The following NOVA2 variants were observed in gnomAD, a reference collection of about 807,000 sequenced individuals.
NOVA2 encodes the protein NOVA alternative splicing regulator 2.
Under a neutral mutation model 22.5 loss-of-function variants are expected in NOVA2, and 9 were observed. The observed-to-expected ratio is 0.40, with a 90% CI of 0.24 to 0.70. NOVA2 has a LOEUF of 0.70. NOVA2 is among the 30% of genes least tolerant of loss of function. NOVA2 has a pLI of 0.38. For missense variants in NOVA2, 383 were observed against 682.8 expected (o/e 0.56, Z 4.89); for synonymous variants, 318 against 335.2 (o/e 0.95, Z 0.56).
chr19:45,955,858 A>G (rs1313111827), intron 2 of NOVA2, among the ~76,000 whole-genome samples: 1 of 151,540 alleles, frequency 6.6e-6, no homozygotes, highest in Non-Finnish European at 1.5e-5. Context: ...CTCCGTCTCA[A>G]AAAAAAAACA....
intron 3 of NOVA2, among the ~76,000 whole-genome samples, chr19:45,950,657 T>A (rs1307785450): frequency 6.6e-6 from 1 of 152,176 alleles, no homozygotes. Context: ...AATACATGCT[T>A]AGAATCTTGG....
chr19:45,942,366 A>G (rs1320907339), intron 3 of NOVA2, among the ~76,000 whole-genome samples: 1 of 152,160 alleles, frequency 6.6e-6, no homozygotes, highest in Non-Finnish European at 1.5e-5. Flanking sequence ...GTGTGAAGAC[A>G]CAGGGAGAAG....
intron 1 of NOVA2, among the ~76,000 whole-genome samples, chr19:45,962,974 G>A (rs1045236110): frequency 6.6e-6 from 1 of 151,988 alleles, no homozygotes; most frequent in Admixed American, 6.6e-5. Flanking sequence ...TTTTGACCAT[G>A]TGAAAAGCAT....
intron 1 of NOVA2, among the ~76,000 whole-genome samples, chr19:45,961,815 C>G (rs1294012732): frequency 6.6e-6 from 1 of 152,110 alleles, no homozygotes; most frequent in Non-Finnish European, 1.5e-5. Flanking sequence ...TTATGATCAT[C>G]AGGATATGGA....
intron 3 of NOVA2, among the ~76,000 whole-genome samples, chr19:45,948,794 C>T (rs1213246600): frequency 1.3e-5 from 2 of 151,864 alleles, no homozygotes; most frequent in Non-Finnish European, 1.5e-5. Context: ...GGTATCTACC[C>T]GAGAGCTGGA....
At chr19:45,941,309 A>T (rs994731740) in intron 3 of NOVA2, among the ~76,000 whole-genome samples, 9 of 129,806 alleles carry the variant, frequency 6.9e-5, no homozygotes, top group East Asian at 2.2e-4. Flanking sequence ...AAAATAAAAT[A>T]ATATATATAT....
chr19:45,947,327 G>A (rs1343177482), intron 3 of NOVA2, among the ~76,000 whole-genome samples: 4 of 152,058 alleles, frequency 2.6e-5, no homozygotes, highest in Non-Finnish European at 5.9e-5. Context: ...GCAGGAAGGC[G>A]AATGGGTGGA....
rs1311752737 is a variant in NOVA2 at position 45,973,401 on chromosome 19, G to T, written c.-50C>A. 8.7e-6 allele frequency: 4 copies of T among 458,998 alleles called. No individual in the cohort carries two copies. The highest frequency in any genetic ancestry group is 1.2e-5 in the Non-Finnish European group (4 of 324,796). 28.4% of individuals were successfully genotyped at this position (458,998 alleles called of 1,614,324 possible). A position where few individuals can be genotyped will look rare whatever the true frequency, so the allele number is the denominator to read the frequency against. On this transcript the variant is annotated 5_prime_UTR_variant, in exon 1 of 4. Transcript: ENST00000263257. ...CTGCTGCTGCGGCGGCTGCGGCGGC[G>T]GCGGCGGCGGCTGCTGTGGCGGCGG...
chr19:45,940,709 G>T lies in NOVA2; in HGVS notation c.633C>A (p.Asn211Lys). 1 of 1,607,744 alleles carries T rather than the reference G, an allele frequency of 6.2e-7. No individual in the cohort carries two copies. The stretch of plus-strand genomic sequence containing the variant: ...GGCCTGCCACGTTGGCGTAGCTGAT[G>T]TTGAGGCAGCTGCTGCTCTGGGGGT... ...QEDPQSSSCL[N>K]ISYANVAGPV... The change falls in exon 4 of 4, where the codon AAC becomes AAA. Residue 211 changes from asparagine to lysine, a missense_variant. This residue lies in a region of NOVA2 where 349 missense variants were observed against 578.1 expected (regional missense o/e 0.60). Coordinates refer to ENST00000263257, the MANE Select transcript of NOVA2 (RefSeq NM_002516.4).
chr19:45,970,966 C>A (rs183637799), intron 1 of NOVA2, among the ~76,000 whole-genome samples: 66 of 152,196 alleles, frequency 4.3e-4, no homozygotes, highest in Admixed American at 3.5e-3. Flanking sequence ...AGTTTCCCCG[C>A]TGTGGAGGGA....
intron 3 of NOVA2, among the ~76,000 whole-genome samples, chr19:45,946,393 G>T (rs1350555828): frequency 3.9e-5 from 6 of 152,220 alleles, no homozygotes; most frequent in Admixed American, 2.0e-4. Context: ...CTGAATCTCA[G>T]ATTGAAAAAT....
intron 1 of NOVA2, chr19:45,967,319 A>C (rs1338698180): frequency 1.3e-5 from 2 of 152,208 alleles, no homozygotes; most frequent in African/African-American, 4.8e-5. Context: ...GCAAGGGCAG[A>C]CACGTGACCT....
rs921921620 is a variant in NOVA2, at chr19:45,943,287, C to G, written c.397-2342G>C. The stretch of plus-strand genomic sequence containing the variant: ...GCCAGGCCAGTCTCGAACTCCTGGC[C>G]TCAAGTGATCCAGCCACCTCAGCCT... On this transcript the variant is annotated intron_variant, in intron 3 of 3. Coordinates refer to ENST00000263257, the MANE Select transcript of NOVA2 (RefSeq NM_002516.4). 1.3e-4 allele frequency among the ~76,000 whole-genome samples: 19 copies of G among 151,434 alleles called. No homozygotes were observed. The East Asian group carries it at 3.8e-3, about 30-fold the overall frequency.
At position 45,940,532 on chromosome 19, in the gene NOVA2, G is replaced by A; in HGVS notation, c.810C>T (p.Ala270=). 6.6e-7 allele frequency: 1 copy of A among 1,504,942 alleles called. No individual in the cohort carries two copies. The highest frequency in any genetic ancestry group is 3.0e-5 in the East Asian group (1 of 33,712). The allele number at this position is 1,504,942 out of a possible 1,614,324, so 93.2% of individuals were successfully genotyped here. The change falls in exon 4 of 4, where the codon GCC becomes GCT. Residue 270 remains alanine, a synonymous_variant. Coordinates refer to ENST00000263257, the MANE Select transcript of NOVA2 (RefSeq NM_002516.4). ...GVGAFPAALP[A]FSGTDLLAIS... ...TGGCCAGCAGGTCGGTGCCTGAGAA[G>A]GCGGGCAGCGCGGCGGGAAAGGCCC...
intron 2 of NOVA2, among the ~76,000 whole-genome samples, chr19:45,956,837 C>T (rs146479632): frequency 2.0e-5 from 3 of 152,222 alleles, no homozygotes; most frequent in East Asian, 1.9e-4. Flanking sequence ...CTAAGGACGC[C>T]GAGGCACAGA....
At chr19:45,969,509 GAAAAAAAAAAAAAAAAA>G (rs397946088) in intron 1 of NOVA2, among the ~76,000 whole-genome samples, 1 of 40,546 alleles carries the variant, frequency 2.5e-5, no homozygotes, top group Non-Finnish European at 3.8e-5. Flanking sequence ...CCCTGTCTCA[GAAAAAAAAAAAAAAAAA>G]AAAAAAAAAA....
rs1967629734 is a variant in NOVA2 at position 45,934,370 on chromosome 19, C to T, written c.*5493G>A. 1 of 152,342 alleles carries T rather than the reference C, an allele frequency of 6.6e-6. No homozygotes were observed. Among genetic ancestry groups the T allele is most frequent in the African/African-American group, 2.4e-5 (1 of 41,550 alleles). 9.4% of individuals were successfully genotyped at this position (152,342 alleles called of 1,614,324 possible). On this transcript the variant is annotated 3_prime_UTR_variant, in exon 4 of 4. Coordinates refer to ENST00000263257, the MANE Select transcript of NOVA2 (RefSeq NM_002516.4). ...ACTCCACCATTATCTCACTGAGGCTCCTCAGGGAAATTGGAGGATGAATCC... is the reference window on the plus strand; with the variant it reads ...ACTCCACCATTATCTCACTGAGGCTTCTCAGGGAAATTGGAGGATGAATCC...
At chr19:45,958,705 G>A (rs1195445856) in intron 2 of NOVA2, among the ~76,000 whole-genome samples, 1 of 152,112 alleles carries the variant, frequency 6.6e-6, no homozygotes, top group Admixed American at 6.6e-5. Context: ...TAGGCCCAGA[G>A]TGCCCTTTCA....
chr19:45,973,076 A>C (rs1454215576), intron 1 of NOVA2, among the ~76,000 whole-genome samples, 191 bp downstream of exon 1: 1 of 67,716 alleles, frequency 1.5e-5, no homozygotes, highest in Non-Finnish European at 2.9e-5. Context: ...CAAAGCTCCC[A>C]GCCCCGGGCC....
Sources: gnomAD v4.1 joint callset for allele counts (sites outside exome capture counted in the v4.1 genomes callset) on GRCh38, gnomAD v4.1.1 for gene constraint, gnomAD v4.1.1 regional missense constraint, MANE v1.5 for transcripts, NCBI Gene and HGNC (gene_info 2026-07-23, HGNC 2026-07-21) for gene names.